Variants in EGFLAM observed in about 807,000 individuals in gnomAD.
EGFLAM encodes the protein EGF like, fibronectin type III and laminin G domains.
In EGFLAM, 79 loss-of-function variants were observed where a neutral mutation model predicts 113.1. The ratio of observed to expected loss-of-function variants is 0.70; its 90% CI spans 0.58 to 0.84. The LOEUF is 0.84. EGFLAM is among the 40% of genes least tolerant of loss of function. The pLI is 0.00. For synonymous variants in EGFLAM, 504 were observed against 487.6 expected, an observed-to-expected ratio of 1.03 and a Z score of -0.44; for missense variants, 1,265 against 1,291.6, an observed-to-expected ratio of 0.98 and a Z score of 0.32.
At chr5:38,442,539 G>A (rs1381754710) in intron 17 of EGFLAM, among the ~76,000 whole-genome samples, 1 of 151,660 alleles carries the variant, frequency 6.6e-6, no homozygotes, top group East Asian at 1.9e-4. Context: ...TGTTATATAG[G>A]AAAAAAATTT....
intron 1 of EGFLAM, among the ~76,000 whole-genome samples, chr5:38,322,332 A>T (rs943323050): frequency 6.6e-6 from 1 of 152,190 alleles, no homozygotes; most frequent in African/African-American, 2.4e-5. Context: ...CAGGGTCATG[A>T]GTACCCAAGG....
At chr5:38,351,260 C>T (rs1739616599) in intron 4 of EGFLAM, among the ~76,000 whole-genome samples, 1 of 152,084 alleles carries the variant, frequency 6.6e-6, no homozygotes, top group South Asian at 2.1e-4. Flanking sequence ...AGTCACATGC[C>T]ATCACACCTG....
chr5:38,353,892 A>G (rs761092792), intron 5 of EGFLAM, among the ~76,000 whole-genome samples: 4 of 152,160 alleles, frequency 2.6e-5, no homozygotes, highest in Non-Finnish European at 5.9e-5. Context: ...GGCTTTCTCC[A>G]TGGACCCAGC....
chr5:38,439,140 T>C (rs1482639907), intron 17 of EGFLAM, among the ~76,000 whole-genome samples: 1 of 152,226 alleles, frequency 6.6e-6, no homozygotes, highest in Admixed American at 6.5e-5. Flanking sequence ...ATACTGGTCA[T>C]TATTATTCGT....
Position 38,451,539 on chromosome 5 carries a change from G to A in EGFLAM, c.2687+81G>A, listed in dbSNP as rs865978304. 5.5e-5 allele frequency: 84 copies of A among 1,539,156 alleles called. 1 individual carries two copies. In the South Asian group the frequency reaches 1.0e-3, roughly 19 times the overall value. On this transcript the variant is annotated intron_variant, in intron 19 of 21. Transcript: ENST00000322350. ...AGATCATGCCAGAGTGATTCAGAAG[G>A]GAGCCAGAACACAGTCTGCTGGAAT...
chr5:38,406,024 T>C, intron 6 of EGFLAM, 102 bp from the exon 7 acceptor site: 1 of 883,808 alleles, frequency 1.1e-6, no homozygotes, highest in Non-Finnish European at 1.9e-6. Flanking sequence ...TCCAATACAC[T>C]GCGTTCCATT....
At chr5:38,456,359 C>A (rs566979972) in intron 19 of EGFLAM, among the ~76,000 whole-genome samples, 1 of 152,150 alleles carries the variant, frequency 6.6e-6, no homozygotes, top group Non-Finnish European at 1.5e-5. Flanking sequence ...TATCACCCCA[C>A]GCTGCCTCTC....
chr5:38,373,217 T>TA (rs34811268), intron 6 of EGFLAM, among the ~76,000 whole-genome samples: 9 of 151,908 alleles, frequency 5.9e-5, no homozygotes, highest in South Asian at 4.2e-4. Flanking sequence ...TTTTACAGAT[T>TA]AAAAAAAATG....
intron 1 of EGFLAM, among the ~76,000 whole-genome samples, chr5:38,289,272 C>CG (rs1758247230): frequency 6.7e-6 from 1 of 148,728 alleles, no homozygotes; most frequent in East Asian, 1.9e-4. Flanking sequence ...TCTTTCTTTC[C>CG]CCGCCCCCAC....
chr5:38,319,098 T>C (rs545819068), intron 1 of EGFLAM, among the ~76,000 whole-genome samples: 2 of 152,248 alleles, frequency 1.3e-5, no homozygotes, highest in South Asian at 4.1e-4. Context: ...CCCCAGTTGT[T>C]CCTCCACACC....
At chr5:38,425,171 C>A in intron 13 of EGFLAM, 79 bp downstream of exon 13, 10 of 1,529,630 alleles carry the variant, frequency 6.5e-6, no homozygotes, top group Non-Finnish European at 8.8e-6. Context: ...AATATAGTTT[C>A]TTTGTTAATT....
intron 17 of EGFLAM, among the ~76,000 whole-genome samples, chr5:38,445,123 G>A (rs1047713089): frequency 6.6e-6 from 1 of 152,052 alleles, no homozygotes; most frequent in African/African-American, 2.4e-5. Flanking sequence ...TTTCTCGAGG[G>A]TGCCTCTGCC....
intron 1 of EGFLAM, among the ~76,000 whole-genome samples, chr5:38,327,752 A>G (rs954933862): frequency 1.3e-5 from 2 of 152,226 alleles, no homozygotes; most frequent in Non-Finnish European, 2.9e-5. Flanking sequence ...AATCTAAACA[A>G]TGAATTAGTG....
intron 1 of EGFLAM, among the ~76,000 whole-genome samples, chr5:38,320,657 T>G (rs771529452): frequency 1.3e-5 from 2 of 151,976 alleles, no homozygotes; most frequent in Non-Finnish European, 2.9e-5. Flanking sequence ...GATGGGAGGT[T>G]GGTGGGTGGA....
intron 5 of EGFLAM, among the ~76,000 whole-genome samples, chr5:38,359,490 C>G (rs1307833289): frequency 1.3e-5 from 2 of 152,210 alleles, no homozygotes; most frequent in African/African-American, 4.8e-5. Context: ...GCCTTGCCAA[C>G]ATGGTGAAAC....
chr5:38,309,793 A>G (rs928139414), intron 1 of EGFLAM, among the ~76,000 whole-genome samples: 1 of 152,198 alleles, frequency 6.6e-6, no homozygotes, highest in Admixed American at 6.5e-5. Flanking sequence ...CTCCGGTACA[A>G]CATCCAAAGG....
intron 6 of EGFLAM, among the ~76,000 whole-genome samples, chr5:38,385,058 T>C (rs564117367): frequency 3.2e-4 from 48 of 152,264 alleles, no homozygotes; most frequent in African/African-American, 1.1e-3. Flanking sequence ...AACCCTGCTA[T>C]AGAACAAAAT....
chr5:38,259,068 T>C (rs1200871809), intron 1 of EGFLAM, among the ~76,000 whole-genome samples: 2 of 152,232 alleles, frequency 1.3e-5, no homozygotes, highest in Non-Finnish European at 2.9e-5. Context: ...GAATGATCAA[T>C]TTTCCAGACA....
At chr5:38,377,738 A>G (rs930007214) in intron 6 of EGFLAM, among the ~76,000 whole-genome samples, 1 of 152,226 alleles carries the variant, frequency 6.6e-6, no homozygotes, top group African/African-American at 2.4e-5. Context: ...AAATAGAGTA[A>G]AAGAGGGAGG....
Sources: gnomAD v4.1 joint callset for allele counts (sites outside exome capture counted in the v4.1 genomes callset) on GRCh38, gnomAD v4.1.1 for gene constraint, MANE v1.5 for transcripts, NCBI Gene and HGNC (gene_info 2026-07-23, HGNC 2026-07-21) for gene names.